The following CCDC170 variants were observed in gnomAD, a reference collection of about 807,000 sequenced individuals.
CCDC170 encodes the protein coiled-coil domain-containing protein 170.
In CCDC170, 69 loss-of-function variants were observed where a neutral mutation model predicts 72.6. That is an observed-to-expected ratio of 0.95 (90% CI 0.78 to 1.16). CCDC170 has a LOEUF of 1.16. Among genes scored for constraint, CCDC170 ranks in the 50% most tolerant of loss-of-function variants. The pLI is 0.00. For missense variants in CCDC170, 852 were observed against 832.5 expected (o/e 1.02, Z -0.29); for synonymous variants, 300 against 303.9 (o/e 0.99, Z 0.13).
intron 9 of CCDC170, among the ~76,000 whole-genome samples, chr6:151,612,040 A>G (rs1038304): frequency 0.58 from 87,725 of 152,030 alleles, 26,985 homozygotes; most frequent in African/African-American, 0.81. Context: ...AGTTCAGCAG[A>G]TATTTGACTC....
In CCDC170 at chr6:151,494,045, ACCCGCGCCACCCGCCGGCTC is replaced by A. The variant is rs1781871208; in HGVS notation, c.-81_-62del. 3.0e-6 allele frequency: 4 copies of A among 1,329,092 alleles called. No homozygotes were observed. The Admixed American group carries it at 1.0e-4, about 34-fold the overall frequency. 82.3% of individuals were successfully genotyped at this position (1,329,092 alleles called of 1,614,324 possible). ...GTGTTTACCCGTTGCCCGAGGAGAC[ACCCGCGCCACCCGCCGGCTC>A]CCGGCGCCGCCGCTTCCTCAGGGCC... On this transcript the variant is annotated 5_prime_UTR_variant, in exon 1 of 11. Transcript: ENST00000239374.
chr6:151,565,847 A>G (rs1400497618), intron 5 of CCDC170, among the ~76,000 whole-genome samples: 1 of 152,242 alleles, frequency 6.6e-6, no homozygotes, highest in East Asian at 1.9e-4. Flanking sequence ...AAAATCAGTT[A>G]AATCCATATG....
chr6:151,540,846 G>A (rs9479064), intron 3 of CCDC170, among the ~76,000 whole-genome samples: 1 of 152,112 alleles, frequency 6.6e-6, no homozygotes, highest in Admixed American at 6.6e-5. Context: ...TTGGTTCATA[G>A]GAGTGGTTTT....
chr6:151,612,453 T>C lies in CCDC170; in HGVS notation c.1711-2990T>C, dbSNP rs567424595. On this transcript the variant is annotated intron_variant, in intron 9 of 10. Coordinates refer to ENST00000239374, the MANE Select transcript of CCDC170 (RefSeq NM_025059.4). Reference sequence around the variant, plus strand: ...AAAAAAATACAAAGAAATTCATTCATTGGGGCAGCAACATTCTCATTCCCC... The same window carrying C: ...AAAAAAATACAAAGAAATTCATTCACTGGGGCAGCAACATTCTCATTCCCC... 6.6e-5 allele frequency among the ~76,000 whole-genome samples: 10 copies of C among 152,336 alleles called. No individual in the cohort carries two copies. The South Asian group carries it at 8.3e-4, about 13-fold the overall frequency.
chr6:151,615,405 A>G (rs774161174), intron 9 of CCDC170, 38 bp from the exon 10 acceptor site: 1 of 1,405,204 alleles, frequency 7.1e-7, no homozygotes, highest in Non-Finnish European at 1.0e-6. Flanking sequence ...TCCTAACTAA[A>G]TACAAAAGGA....
intron 1 of CCDC170, among the ~76,000 whole-genome samples, chr6:151,527,667 C>G (rs375986747): frequency 2.0e-5 from 3 of 150,538 alleles, no homozygotes; most frequent in African/African-American, 7.4e-5. Flanking sequence ...TTGGTGGGGG[C>G]GTGGGGAGAA....
intron 3 of CCDC170, among the ~76,000 whole-genome samples, chr6:151,544,168 T>C (rs1782736948): frequency 6.6e-6 from 1 of 152,142 alleles, no homozygotes; most frequent in South Asian, 2.1e-4. Flanking sequence ...GAAGCTTGGT[T>C]CTCTAGAACC....
At chr6:151,546,227 A>C (rs1782770690) in intron 4 of CCDC170, among the ~76,000 whole-genome samples, 1 of 152,156 alleles carries the variant, frequency 6.6e-6, no homozygotes, top group Non-Finnish European at 1.5e-5. Flanking sequence ...CCATGGGTCC[A>C]CCTGATGCTC....
chr6:151,617,848 A>C lies in CCDC170; in HGVS notation c.1948-99A>C, dbSNP rs183319991. ...TAGATAATTTCCCTACCTCATGCAA[A>C]CCTGGGTTTTCTACAGGTTTTTTGT... On this transcript the variant is annotated intron_variant, in intron 10 of 10. Coordinates refer to ENST00000239374, the MANE Select transcript of CCDC170 (RefSeq NM_025059.4). 3.0e-3 allele frequency: 3,457 copies of C among 1,153,656 alleles called. 33 individuals are homozygous for C. Among genetic ancestry groups the C allele is most frequent in the Non-Finnish European group, 2.6e-3 (2,106 of 813,548 alleles). 71.5% of individuals were successfully genotyped at this position (1,153,656 alleles called of 1,614,324 possible).
At chr6:151,610,253 A>G (rs987662196) in intron 9 of CCDC170, among the ~76,000 whole-genome samples, 1 of 152,232 alleles carries the variant, frequency 6.6e-6, no homozygotes, top group Admixed American at 6.5e-5. Context: ...CAATATGCTT[A>G]TGTAACTTAT....
At chr6:151,568,272 A>T (rs1776167844) in intron 5 of CCDC170, among the ~76,000 whole-genome samples, 1 of 152,154 alleles carries the variant, frequency 6.6e-6, no homozygotes, top group Non-Finnish European at 1.5e-5. Flanking sequence ...AAGTTTGAAT[A>T]GTGCTGTCCA....
intron 5 of CCDC170, among the ~76,000 whole-genome samples, chr6:151,550,122 A>G (rs1782856198): frequency 2.0e-5 from 3 of 152,248 alleles, no homozygotes; most frequent in Admixed American, 6.5e-5. Flanking sequence ...ATTTTTTAAC[A>G]TTGTATAATC....
chr6:151,612,388 G>T (rs893240488), intron 9 of CCDC170, among the ~76,000 whole-genome samples: 1 of 152,074 alleles, frequency 6.6e-6, no homozygotes, highest in Non-Finnish European at 1.5e-5. Context: ...ATCAGGAATC[G>T]AGCAACTAAA....
intron 1 of CCDC170, among the ~76,000 whole-genome samples, chr6:151,521,768 G>A (rs573911363): frequency 6.6e-5 from 10 of 152,234 alleles, no homozygotes; most frequent in African/African-American, 2.4e-4. Context: ...TGGATCACGA[G>A]GTCAGGAGAT....
intron 5 of CCDC170, among the ~76,000 whole-genome samples, chr6:151,555,928 A>G (rs1280097004): frequency 1.3e-5 from 2 of 152,194 alleles, no homozygotes; most frequent in African/African-American, 4.8e-5. Flanking sequence ...ACAAACACCA[A>G]ATAATATCTG....
chr6:151,494,242 G>A, intron 1 of CCDC170, 57 bp downstream of exon 1: 1 of 1,431,964 alleles, frequency 7.0e-7, no homozygotes, highest in Non-Finnish European at 9.2e-7. Flanking sequence ...GACGACCCAG[G>A]AGGGGCCGAG....
chr6:151,609,098 TC>T (rs1776830168), intron 9 of CCDC170, among the ~76,000 whole-genome samples: 1 of 152,178 alleles, frequency 6.6e-6, no homozygotes, highest in African/African-American at 2.4e-5. Context: ...CTTTGTCACT[TC>T]CTTGCTGAAT....
intron 9 of CCDC170, 145 bp downstream of exon 9, chr6:151,596,722 A>G (rs1776631818): frequency 2.7e-6 from 3 of 1,131,792 alleles, no homozygotes; most frequent in Non-Finnish European, 3.7e-6. Context: ...GAAAAATGCA[A>G]AAATGACACA....
chr6:151,502,289 A>G (rs773317531), intron 1 of CCDC170, among the ~76,000 whole-genome samples: 26 of 152,204 alleles, frequency 1.7e-4, no homozygotes, highest in Non-Finnish European at 3.5e-4. Flanking sequence ...AATAATGACA[A>G]TAATAATTAG....
Sources: gnomAD v4.1 joint callset for allele counts (sites outside exome capture counted in the v4.1 genomes callset) on GRCh38, gnomAD v4.1.1 for gene constraint, MANE v1.5 for transcripts, NCBI Gene and HGNC (gene_info 2026-07-23, HGNC 2026-07-21) for gene names.